CELSR1: variants seen among roughly 807,000 people sequenced by gnomAD.
CELSR1 encodes the protein adhesion G protein-coupled receptor C1.
Under a neutral mutation model 249.1 loss-of-function variants are expected in CELSR1, and 110 were observed. The ratio of observed to expected loss-of-function variants is 0.44; its 90% confidence interval spans 0.38 to 0.52. CELSR1 has a LOEUF of 0.52. Ranked by LOEUF, CELSR1 falls within the 20% of genes least tolerant of loss-of-function variation. The pLI is 0.00. For missense variants in CELSR1, 4,109 were observed against 4,296.4 expected (o/e 0.96, Z 1.22); for synonymous variants, 2,113 against 1,900.0 (o/e 1.11, Z -2.92).
chr22:46,442,670 C>A (rs2079765669), intron 2 of CELSR1, among the ~76,000 whole-genome samples: 2 of 152,328 alleles, frequency 1.3e-5, no homozygotes, highest in Admixed American at 1.3e-4. Flanking sequence ...TTTTGAAGAA[C>A]AAATGAAACT....
At position 46,405,836 on chromosome 22, in the gene CELSR1, G is replaced by T. The variant is rs146387885; in HGVS notation, c.5226+3160C>A. ...CTTTACGGAGCTCACAGGCCCACGGGAGGCCTGCAAGCTGATAATGGCAAG... is the reference window on the plus strand; with the variant it reads ...CTTTACGGAGCTCACAGGCCCACGGTAGGCCTGCAAGCTGATAATGGCAAG... On this transcript the variant is annotated intron_variant, in intron 9 of 34. Coordinates refer to ENST00000674500, the MANE Select transcript of CELSR1 (RefSeq NM_001378328.1). 6.5e-4 allele frequency among the ~76,000 whole-genome samples: 99 copies of T among 152,258 alleles called. No homozygotes were observed. In the Middle Eastern group the frequency reaches 0.014, roughly 21 times the overall value.
rs768594945 is a variant in CELSR1 at position 46,363,148 on chromosome 22, C to CCA, written c.*74_*75insTG. The CCA allele has an allele frequency of 6.2e-7, 1 of 1,613,730 alleles. No homozygotes were observed. The highest frequency in any genetic ancestry group is 8.5e-7 in the Non-Finnish European group (1 of 1,179,904). The stretch of plus-strand genomic sequence containing the variant: ...TGGGCTCCAAGGTCTGAGGGTGATG[C>CCA]CGCAGCCTGTGTGGGGTGACGGGCT... On this transcript the variant is annotated 3_prime_UTR_variant, in exon 35 of 35. Transcript: ENST00000674500. The surrounding 1 kb of genome is among the most constrained non-coding windows in gnomAD (Gnocchi z 4.3).
chr22:46,363,739 T>G lies in CELSR1; in HGVS notation c.9035+257A>C. 5 of 527,318 alleles carry G rather than the reference T, an allele frequency of 9.5e-6. No homozygotes were observed. The highest frequency in any genetic ancestry group is 5.0e-4 in the Middle Eastern group (1 of 2,010). The allele number at this position is 527,318 out of a possible 1,614,324, so 32.7% of individuals were successfully genotyped here. A position where few individuals can be genotyped will look rare whatever the true frequency, so the allele number is the denominator to read the frequency against. On this transcript the variant is annotated intron_variant, in intron 34 of 34. Coordinates refer to ENST00000674500, the MANE Select transcript of CELSR1 (RefSeq NM_001378328.1). The surrounding 1 kb of genome is among the most constrained non-coding windows in gnomAD (Gnocchi z 4.3). ...GAGCCCAGCACCTTAGGTCCTAGCATTTTGGGGCTGGCCAGGGCTTCAGAG... is the reference window on the plus strand; with the variant it reads ...GAGCCCAGCACCTTAGGTCCTAGCAGTTTGGGGCTGGCCAGGGCTTCAGAG...
chr22:46,497,289 T>C lies in CELSR1; in HGVS notation c.3545-32944A>G, dbSNP rs533000621. On this transcript the variant is annotated intron_variant, in intron 1 of 34. Transcript: ENST00000674500. ...ATTTTATTTTCTTTATACGTAACTT[T>C]ATCATCTGTGAATAACAGCAATGTT... 7.9e-5 allele frequency among the ~76,000 whole-genome samples: 12 copies of C among 152,390 alleles called. No homozygotes were observed. The South Asian group carries it at 2.5e-3, about 32-fold the overall frequency.
At chr22:46,375,539 CTTTTTTTTT>C (rs971800051) in intron 24 of CELSR1, among the ~76,000 whole-genome samples, 4 of 120,584 alleles carry the variant, frequency 3.3e-5, no homozygotes, top group African/African-American at 1.4e-4. Context: ...CTGCCAGGCT[CTTTTTTTTT>C]TTTTTTTTTT....
Position 46,410,333 on chromosome 22 carries a change from T to A in CELSR1, c.4933+65A>T. Reference sequence around the variant, plus strand: ...AGGGATCTGCAAGCAGTGACCTCTGTGTGGCTGCCGACGTCCAGCCAGATG... The same window carrying A: ...AGGGATCTGCAAGCAGTGACCTCTGAGTGGCTGCCGACGTCCAGCCAGATG... On this transcript the variant is annotated intron_variant, in intron 7 of 34. Transcript: ENST00000674500. This position sits in a 1 kb window ranked among gnomAD's most constrained non-coding sequence, Gnocchi z 6.8. 1 of 1,578,970 alleles carries A rather than the reference T, an allele frequency of 6.3e-7. No homozygotes were observed. Among genetic ancestry groups the A allele is most frequent in the African/African-American group, 1.3e-5 (1 of 74,518 alleles).
chr22:46,371,918 C>G (rs1289854484), intron 25 of CELSR1, among the ~76,000 whole-genome samples: 1 of 150,404 alleles, frequency 6.6e-6, no homozygotes, highest in African/African-American at 2.5e-5. Context: ...TCCATCCACC[C>G]ACCCACCCAT....
intron 1 of CELSR1, among the ~76,000 whole-genome samples, chr22:46,504,491 C>A (rs1418574817): frequency 8.0e-6 from 1 of 125,450 alleles, no homozygotes; most frequent in South Asian, 2.8e-4. Context: ...CCCAGCCTGG[C>A]GACATCTGTC....
In CELSR1 at chr22:46,473,192, C is replaced by T. The variant is rs1280373924; in HGVS notation, c.3545-8847G>A. On this transcript the variant is annotated intron_variant, in intron 1 of 34. Coordinates refer to ENST00000674500, the MANE Select transcript of CELSR1 (RefSeq NM_001378328.1). This position sits in a 1 kb window ranked among gnomAD's most constrained non-coding sequence, Gnocchi z 6.6. Reference sequence around the variant, plus strand: ...ACAGGACCCACGCACCACGAGGAACCATCGCTGGCCCTTGACAGGTGAGGA... The same window carrying T: ...ACAGGACCCACGCACCACGAGGAACTATCGCTGGCCCTTGACAGGTGAGGA... 6.6e-6 allele frequency among the ~76,000 whole-genome samples: 1 copy of T among 152,126 alleles called. No individual in the cohort carries two copies. The highest frequency in any genetic ancestry group is 2.4e-5 in the African/African-American group (1 of 41,418).
rs1257911154 is a variant in CELSR1 at position 46,417,159 on chromosome 22, G to A, written c.4612-5400C>T. 6.6e-6 allele frequency among the ~76,000 whole-genome samples: 1 copy of A among 152,248 alleles called. No individual in the cohort carries two copies. The highest frequency in any genetic ancestry group is 1.5e-5 in the Non-Finnish European group (1 of 68,044). The stretch of plus-strand genomic sequence containing the variant: ...TCTCAAGATGACAAAGTTCAGGCCT[G>A]TCTGGCCGACAAATGCCCCAGGAAA... On this transcript the variant is annotated intron_variant, in intron 5 of 34. Transcript: ENST00000674500. The surrounding 1 kb of genome is among the most constrained non-coding windows in gnomAD (Gnocchi z 4.1).
chr22:46,455,648 C>G (rs145900668), intron 2 of CELSR1, among the ~76,000 whole-genome samples: 2 of 152,178 alleles, frequency 1.3e-5, no homozygotes, highest in Non-Finnish European at 2.9e-5. Flanking sequence ...TTGTGCCGAT[C>G]GGTTACAGCA....
Position 46,391,593 on chromosome 22 carries a change from C to T in CELSR1, c.6148+40G>A. The T allele has an allele frequency of 6.5e-7, 1 of 1,535,440 alleles. No homozygotes were observed. Among genetic ancestry groups the T allele is most frequent in the Non-Finnish European group, 8.7e-7 (1 of 1,150,330 alleles). ...TGCACGCCAGTGCAGCAGCCTGTCCCCGCGCTGTAACCTGCAGGGTGTCGA... is the reference window on the plus strand; with the variant it reads ...TGCACGCCAGTGCAGCAGCCTGTCCTCGCGCTGTAACCTGCAGGGTGTCGA... On this transcript the variant is annotated intron_variant, in intron 15 of 34. Coordinates refer to ENST00000674500, the MANE Select transcript of CELSR1 (RefSeq NM_001378328.1). This position sits in a 1 kb window ranked among gnomAD's most constrained non-coding sequence, Gnocchi z 4.3.
chr22:46,444,844 G>C (rs2079799439), intron 2 of CELSR1, among the ~76,000 whole-genome samples: 1 of 152,134 alleles, frequency 6.6e-6, no homozygotes, highest in Non-Finnish European at 1.5e-5. Context: ...TCCCTGGCTT[G>C]TGGCTGCATC....
chr22:46,443,439 G>A (rs527868703), intron 2 of CELSR1, among the ~76,000 whole-genome samples: 7 of 152,292 alleles, frequency 4.6e-5, no homozygotes, highest in Non-Finnish European at 8.8e-5. Flanking sequence ...AGAGGAGCGA[G>A]CCCTAGACCC....
At chr22:46,444,941 C>G (rs564407009) in intron 2 of CELSR1, among the ~76,000 whole-genome samples, 1 of 152,192 alleles carries the variant, frequency 6.6e-6, no homozygotes, top group Non-Finnish European at 1.5e-5. Flanking sequence ...AGCGGTGGCT[C>G]GTGCCTGTAA....
At chr22:46,450,853 G>A (rs2079875213) in intron 2 of CELSR1, among the ~76,000 whole-genome samples, 1 of 152,220 alleles carries the variant, frequency 6.6e-6, no homozygotes, top group Non-Finnish European at 1.5e-5. Context: ...CCCCAAGGCA[G>A]GGATTTCTGT....
intron 28 of CELSR1, among the ~76,000 whole-genome samples, chr22:46,367,359 G>A (rs528595584): frequency 4.6e-5 from 7 of 152,242 alleles, no homozygotes; most frequent in African/African-American, 7.2e-5. Context: ...TGAGGGCCCC[G>A]GCTCAGGCCA....
rs929979259 is a variant in CELSR1 at position 46,409,671 on chromosome 22, C to G, written c.5059+84G>C. 13 of 1,538,338 alleles carry G rather than the reference C, an allele frequency of 8.5e-6. No homozygotes were observed. The Admixed American group carries it at 1.9e-4, about 22-fold the overall frequency. ...GGCTGCCGGACCTGGATGTGAAGCC[C>G]CCTCACGGTGGTCCCGGGCACATCA... On this transcript the variant is annotated intron_variant, in intron 8 of 34. Coordinates refer to ENST00000674500, the MANE Select transcript of CELSR1 (RefSeq NM_001378328.1). This position sits in a 1 kb window ranked among gnomAD's most constrained non-coding sequence, Gnocchi z 9.8.
intron 1 of CELSR1, among the ~76,000 whole-genome samples, chr22:46,508,328 A>AGGGT (rs887021614): frequency 5.3e-5 from 2 of 37,662 alleles, no homozygotes; most frequent in African/African-American, 2.1e-4. Context: ...GAGGAAGGTG[A>AGGGT]GGGTGATGGG....
Sources: allele counts gnomAD v4.1 joint callset (sites outside exome capture counted in the v4.1 genomes callset), GRCh38; gene constraint gnomAD v4.1.1; non-coding constraint Gnocchi (gnomAD v3.1); transcripts MANE v1.5; gene names NCBI Gene and HGNC (gene_info 2026-07-23, HGNC 2026-07-21).